Variants in MEF2C observed in about 807,000 individuals in gnomAD.
The protein encoded by MEF2C is myocyte-specific enhancer factor 2C.
In MEF2C, 6 loss-of-function variants were observed where a neutral mutation model predicts 50.5. The ratio of observed to expected loss-of-function variants is 0.12; its 90% CI spans 0.07 to 0.23. The LOEUF (loss-of-function observed/expected upper bound fraction) is 0.23. Ranked by LOEUF, MEF2C falls within the 10% of genes least tolerant of loss-of-function variation. The pLI is 1.00. For synonymous variants in MEF2C, 183 were observed against 228.0 expected, an observed-to-expected ratio of 0.80 and a Z score of 1.78; for missense variants, 276 against 605.0, an observed-to-expected ratio of 0.46 and a Z score of 5.70.
chr5:88,762,089 G>A (rs1224365413), intron 3 of MEF2C, among the ~76,000 whole-genome samples: 9 of 152,036 alleles, frequency 5.9e-5, no homozygotes, highest in Non-Finnish European at 1.3e-4. Flanking sequence ...AACTAGCAAG[G>A]GTTCCTCCTA....
chr5:88,734,419 T>C (rs955975559), intron 6 of MEF2C: 1 of 985,190 alleles, frequency 1.0e-6, no homozygotes, highest in African/African-American at 1.7e-5. Flanking sequence ...CCCAGCTCGG[T>C]AGATGCCGAT....
At chr5:88,768,088 A>G (rs539049986) in intron 3 of MEF2C, among the ~76,000 whole-genome samples, 38 of 152,216 alleles carry the variant, frequency 2.5e-4, no homozygotes, top group African/African-American at 8.4e-4. Context: ...AGACTTTCTG[A>G]TCGCTCAGGC....
intron 3 of MEF2C, chr5:88,766,627 T>A (rs1485349643): frequency 2.6e-5 from 26 of 984,740 alleles, no homozygotes; most frequent in Non-Finnish European, 2.9e-5. Flanking sequence ...ATTTTCATCA[T>A]CATCCTTTTC....
At chr5:88,750,087 T>C (rs1771957065) in intron 5 of MEF2C, 11 of 702,408 alleles carry the variant, frequency 1.6e-5, no homozygotes, top group Non-Finnish European at 1.7e-5. Context: ...AAAAGAATAA[T>C]AGTGAGAATA....
rs375047616 is a variant in MEF2C at position 88,807,085 on chromosome 5, TTAA to T, written c.55-2287_55-2285del. Among the ~76,000 whole-genome samples, 85 of 152,364 alleles carry T rather than the reference TTAA, an allele frequency of 5.6e-4. 1 individual carries two copies. In the East Asian group the frequency reaches 0.015, roughly 27 times the overall value. ...TTTTAACAATACATATATTCCTTAC[TTAA>T]TAATAATTACACTATTTTATCATAT... On this transcript the variant is annotated intron_variant, in intron 2 of 10. Transcript: ENST00000504921.
chr5:88,860,659 C>T (rs1201257875), intron 1 of MEF2C, among the ~76,000 whole-genome samples: 5 of 152,148 alleles, frequency 3.3e-5, no homozygotes, highest in African/African-American at 9.7e-5. Flanking sequence ...TTGGCCCCAC[C>T]ACATGCATGA....
chr5:88,869,294 TAC>T (rs1391800642), intron 1 of MEF2C, among the ~76,000 whole-genome samples: 2,411 of 111,974 alleles, frequency 0.022, 48 homozygotes, highest in Admixed American at 0.031. Flanking sequence ...TATATATATA[TAC>T]ACATATATAT....
chr5:88,740,185 C>T, intron 6 of MEF2C: 1 of 984,442 alleles, frequency 1.0e-6, no homozygotes, highest in Non-Finnish European at 1.2e-6. Context: ...CATATCTAGC[C>T]TATTTGTCCT....
chr5:88,866,044 C>T (rs1827250901), intron 1 of MEF2C, among the ~76,000 whole-genome samples: 2 of 152,026 alleles, frequency 1.3e-5, no homozygotes, highest in South Asian at 2.1e-4. Context: ...TACAGGCGCC[C>T]GCAACCACGC....
chr5:88,735,636 A>G (rs1341912924), intron 6 of MEF2C: 1 of 983,876 alleles, frequency 1.0e-6, no homozygotes, highest in Non-Finnish European at 1.2e-6. Flanking sequence ...TCTTCTGGTT[A>G]CAAGTTTGTA....
chr5:88,814,602 A>G (rs1367750217), intron 2 of MEF2C, among the ~76,000 whole-genome samples: 1 of 152,058 alleles, frequency 6.6e-6, no homozygotes, highest in Non-Finnish European at 1.5e-5. Flanking sequence ...GAACATGATA[A>G]AAGGATTAAA....
intron 1 of MEF2C, among the ~76,000 whole-genome samples, chr5:88,877,013 A>G (rs1019256257): frequency 6.6e-6 from 1 of 152,004 alleles, no homozygotes; most frequent in Non-Finnish European, 1.5e-5. Flanking sequence ...ACTTAATTTA[A>G]ATCACTGCTT....
At chr5:88,849,806 A>C (rs910864669) in intron 1 of MEF2C, among the ~76,000 whole-genome samples, 31 of 152,222 alleles carry the variant, frequency 2.0e-4, no homozygotes, top group African/African-American at 7.0e-4. Context: ...TGACAAAAGT[A>C]AAGTCATATT....
At chr5:88,747,918 A>T (rs1770684980) in intron 6 of MEF2C, 1 of 353,036 alleles carries the variant, frequency 2.8e-6, no homozygotes, top group African/African-American at 2.2e-5. Context: ...GTATTTTTTG[A>T]GGGAAAAAAT....
chr5:88,788,719 G>A (rs1022711158), intron 3 of MEF2C, among the ~76,000 whole-genome samples: 1 of 152,148 alleles, frequency 6.6e-6, no homozygotes, highest in African/African-American at 2.4e-5. Flanking sequence ...ATGTGGCTAG[G>A]CTACCTTACA....
intron 6 of MEF2C, chr5:88,748,306 CCTA>C (rs1487359096): frequency 5.9e-6 from 3 of 512,316 alleles, no homozygotes; most frequent in South Asian, 1.7e-4. Flanking sequence ...ATGCCTGCCT[CCTA>C]CTATTTTAAA....
At chr5:88,741,226 T>C in intron 6 of MEF2C, 2 of 985,404 alleles carry the variant, frequency 2.0e-6, no homozygotes, top group Non-Finnish European at 2.4e-6. Flanking sequence ...AAGCTAAACA[T>C]TATAACCAGA....
At chr5:88,863,222 T>C (rs1392994483) in intron 1 of MEF2C, among the ~76,000 whole-genome samples, 4 of 152,234 alleles carry the variant, frequency 2.6e-5, no homozygotes, top group Admixed American at 2.0e-4. Context: ...TTTATCACAT[T>C]ACATTTATAA....
At chr5:88,749,029 C>G (rs1459436938) in intron 6 of MEF2C, 41 bp downstream of exon 6, 1 of 1,555,814 alleles carries the variant, frequency 6.4e-7, no homozygotes, top group Admixed American at 1.9e-5. Flanking sequence ...TAGAAGAACT[C>G]AGAACAATGA....
Sources: allele counts gnomAD v4.1 joint callset (sites outside exome capture counted in the v4.1 genomes callset), GRCh38; gene constraint gnomAD v4.1.1; transcripts MANE v1.5; gene names NCBI Gene and HGNC (gene_info 2026-07-23, HGNC 2026-07-21).